Variants in GCH1 observed in about 807,000 individuals in gnomAD.
GCH1 encodes GTP cyclohydrolase 1.
GCH1 carries 5 observed loss-of-function variants against 25.9 expected under a neutral mutation model. The observed-to-expected ratio is 0.19, with a 90% CI of 0.10 to 0.41. The LOEUF (loss-of-function observed/expected upper bound fraction) is 0.41. GCH1 is among the 10% of genes least tolerant of loss of function. The pLI, the probability that GCH1 is intolerant of heterozygous loss-of-function variation, is 1.00. For missense variants in GCH1, 261 were observed against 336.5 expected, an observed-to-expected ratio of 0.78 and a Z score of 1.75; for synonymous variants, 159 against 129.6, an observed-to-expected ratio of 1.23 and a Z score of -1.54.
intron 3 of GCH1, among the ~76,000 whole-genome samples, chr14:54,851,280 C>T (rs2039726545): frequency 1.3e-5 from 2 of 152,162 alleles, no homozygotes; most frequent in African/African-American, 4.8e-5. Context: ...TAGAAGAAAA[C>T]CTAGACAATA....
chr14:54,870,645 C>T (rs2040059138), intron 1 of GCH1, among the ~76,000 whole-genome samples: 1 of 152,192 alleles, frequency 6.6e-6, no homozygotes, highest in South Asian at 2.1e-4. Context: ...AGGTCACTCC[C>T]ACCCTAATAC....
At chr14:54,849,081 A>G (rs2039687158) in intron 3 of GCH1, among the ~76,000 whole-genome samples, 1 of 152,250 alleles carries the variant, frequency 6.6e-6, no homozygotes, top group African/African-American at 2.4e-5. Flanking sequence ...CCACACTTCA[A>G]TAGGAATGCC....
chr14:54,892,411 T>G (rs555436876), intron 1 of GCH1, among the ~76,000 whole-genome samples: 1 of 152,244 alleles, frequency 6.6e-6, no homozygotes, highest in African/African-American at 2.4e-5. Flanking sequence ...AATGAATTAC[T>G]GATGTGGTGG....
intron 1 of GCH1, among the ~76,000 whole-genome samples, chr14:54,895,303 G>A (rs945304709): frequency 9.9e-5 from 15 of 152,134 alleles, no homozygotes; most frequent in Non-Finnish European, 2.1e-4. Context: ...ATCTCCTCAC[G>A]CTGGATTATA....
intron 2 of GCH1, among the ~76,000 whole-genome samples, chr14:54,861,321 T>C (rs1222548312): frequency 2.0e-5 from 3 of 152,222 alleles, no homozygotes; most frequent in African/African-American, 4.8e-5. Flanking sequence ...AACTTTCCCA[T>C]GAACCAAGGT....
intron 1 of GCH1, among the ~76,000 whole-genome samples, chr14:54,899,556 T>C (rs2040533671): frequency 6.6e-6 from 1 of 151,832 alleles, no homozygotes. Flanking sequence ...CCCAGGCTGT[T>C]CTCCTGAGCA....
intron 2 of GCH1, among the ~76,000 whole-genome samples, chr14:54,860,839 C>T (rs1034009060): frequency 6.6e-6 from 1 of 152,144 alleles, no homozygotes; most frequent in Admixed American, 6.5e-5. Flanking sequence ...ACGCCCGGCC[C>T]CATCTTCCTA....
intron 2 of GCH1, among the ~76,000 whole-genome samples, chr14:54,863,374 A>T (rs1311268897): frequency 6.9e-6 from 1 of 144,396 alleles, no homozygotes; most frequent in African/African-American, 2.6e-5. Flanking sequence ...GTGAGCCGAG[A>T]TCACACCACT....
Position 54,843,498 on chromosome 14 carries a change from A to G in GCH1, c.*519T>C, listed in dbSNP as rs1364830811. ...GACTAACATTACGACTGCTAAAAAT[A>G]TATTTTTAAATGTCACTGGTGGTTT... On this transcript the variant is annotated 3_prime_UTR_variant, in exon 6 of 6. Transcript: ENST00000491895. The G allele has an allele frequency of 7.8e-7, 1 of 1,279,080 alleles. No individual in the cohort carries two copies. Among genetic ancestry groups the G allele is most frequent in the Non-Finnish European group, 9.9e-7 (1 of 1,013,292 alleles). 79.2% of individuals were successfully genotyped at this position (1,279,080 alleles called of 1,614,324 possible). A position where few individuals can be genotyped will look rare whatever the true frequency, so the allele number is the denominator to read the frequency against.
chr14:54,901,986 C>A (rs1169034554), intron 1 of GCH1, among the ~76,000 whole-genome samples: 1 of 152,226 alleles, frequency 6.6e-6, no homozygotes, highest in Admixed American at 6.5e-5. Context: ...CCCCGAGAAT[C>A]CCGCGCTGGG....
intron 1 of GCH1, among the ~76,000 whole-genome samples, chr14:54,888,989 G>C (rs558673961): frequency 1.3e-5 from 2 of 152,296 alleles, no homozygotes; most frequent in East Asian, 3.9e-4. Flanking sequence ...GGTGGAGGAG[G>C]GGTAGAAGGG....
chr14:54,896,926 A>AC (rs2040493642), intron 1 of GCH1, among the ~76,000 whole-genome samples: 1 of 148,382 alleles, frequency 6.7e-6, no homozygotes, highest in African/African-American at 2.6e-5. Context: ...CTCAAAAAAA[A>AC]AAAAAACAAA....
intron 2 of GCH1, among the ~76,000 whole-genome samples, chr14:54,861,467 G>T (rs1297754030): frequency 6.6e-6 from 1 of 152,000 alleles, no homozygotes; most frequent in Non-Finnish European, 1.5e-5. Context: ...CAGGAGTGGT[G>T]GCTCACACCT....
At chr14:54,860,062 C>T (rs1490535262) in intron 2 of GCH1, among the ~76,000 whole-genome samples, 3 of 152,154 alleles carry the variant, frequency 2.0e-5, no homozygotes, top group Non-Finnish European at 4.4e-5. Context: ...ACTCAAGTCC[C>T]GCAGTCGGCC....
chr14:54,879,322 G>A (rs988783069), intron 1 of GCH1, among the ~76,000 whole-genome samples: 1 of 150,714 alleles, frequency 6.6e-6, no homozygotes, highest in African/African-American at 2.4e-5. Flanking sequence ...TTGGGAGGCT[G>A]AGGCACGAGA....
chr14:54,866,116 A>T (rs1195503548), intron 1 of GCH1, among the ~76,000 whole-genome samples: 3 of 137,820 alleles, frequency 2.2e-5, no homozygotes, highest in South Asian at 2.2e-4. Context: ...AATAGACATT[A>T]AAAAAAAAAA....
intron 1 of GCH1, among the ~76,000 whole-genome samples, chr14:54,880,858 TACTCCATA>T (rs2040261265): frequency 5.4e-5 from 5 of 91,982 alleles, no homozygotes; most frequent in African/African-American, 2.8e-4. Flanking sequence ...CATATATATA[TACTCCATA>T]ATATATGGAG....
At chr14:54,896,700 C>T (rs1275785388) in intron 1 of GCH1, among the ~76,000 whole-genome samples, 1 of 151,334 alleles carries the variant, frequency 6.6e-6, no homozygotes, top group Non-Finnish European at 1.5e-5. Context: ...ATCACAAAGT[C>T]AGGAGATCAA....
intron 2 of GCH1, among the ~76,000 whole-genome samples, chr14:54,862,462 A>G (rs1248729575): frequency 1.5e-5 from 2 of 132,642 alleles, no homozygotes; most frequent in Admixed American, 1.7e-4. Flanking sequence ...GGCTCACTGC[A>G]GCCTCGACCT....
Sources: gnomAD v4.1 joint callset for allele counts (sites outside exome capture counted in the v4.1 genomes callset) on GRCh38, gnomAD v4.1.1 for gene constraint, MANE v1.5 for transcripts, NCBI Gene and HGNC (gene_info 2026-07-23, HGNC 2026-07-21) for gene names.